Variants in DNAJC18 observed in about 807,000 individuals in gnomAD.
DNAJC18 encodes the protein DnaJ heat shock protein family (Hsp40) member C18.
DNAJC18 carries 40 observed loss-of-function variants against 48.6 expected under a neutral mutation model. The ratio of observed to expected loss-of-function variants is 0.82; its 90% CI spans 0.64 to 1.07. The LOEUF (loss-of-function observed/expected upper bound fraction) is 1.07, where lower values mean the gene tolerates loss of function less well. Among genes scored for constraint, DNAJC18 ranks in the 50% least tolerant of loss-of-function variants. The pLI is 0.00. For missense variants in DNAJC18, 340 were observed against 427.7 expected (o/e 0.79, Z 1.81); for synonymous variants, 135 against 152.2 (o/e 0.89, Z 0.83).
chr5:139,435,566 T>C (rs1750623460), intron 2 of DNAJC18, among the ~76,000 whole-genome samples: 1 of 152,152 alleles, frequency 6.6e-6, no homozygotes, highest in Admixed American at 6.5e-5. Context: ...TTTTATTGAA[T>C]ATTTTAAAAT....
intron 2 of DNAJC18, among the ~76,000 whole-genome samples, chr5:139,430,791 G>A (rs1358843064): frequency 3.3e-5 from 5 of 151,892 alleles, no homozygotes; most frequent in Non-Finnish European, 7.4e-5. Flanking sequence ...GGCTGGTCTC[G>A]AACTCTTGAC....
intron 3 of DNAJC18, among the ~76,000 whole-genome samples, chr5:139,427,728 T>C (rs1037095687): frequency 4.6e-5 from 7 of 152,216 alleles, no homozygotes; most frequent in African/African-American, 1.7e-4. Flanking sequence ...AATGCATCCA[T>C]GCAAGATCAA....
rs1759018619 is a variant in DNAJC18, at chr5:139,413,170, A to C, written c.*978T>G. 6.2e-6 allele frequency: 2 copies of C among 321,926 alleles called. No individual in the cohort carries two copies. Among genetic ancestry groups the C allele is most frequent in the African/African-American group, 4.3e-5 (2 of 46,900 alleles). The allele number at this position is 321,926 out of a possible 1,614,324, so 19.9% of individuals were successfully genotyped here. On this transcript the variant is annotated 3_prime_UTR_variant, in exon 8 of 8. Coordinates refer to ENST00000302060, the MANE Select transcript of DNAJC18 (RefSeq NM_152686.4). The stretch of plus-strand genomic sequence containing the variant: ...TGAATGAAAAATCATCTCAAATCAC[A>C]AACTATAGGATACTGGGTTAAACAA...
Position 139,439,411 on chromosome 5 carries a change from G to A in DNAJC18, c.35C>T (p.Thr12Met). The A allele has an allele frequency of 6.2e-7, 1 of 1,614,010 alleles. No individual in the cohort carries two copies. Residue 12 changes from threonine to methionine, a missense_variant, in exon 1 of 8, where the codon ACG becomes ATG. By Grantham distance (81) the Thr-to-Met change is moderately conservative (BLOSUM62 -1). Transcript: ENST00000302060. The surrounding 1 kb of genome is among the most constrained non-coding windows in gnomAD (Gnocchi z 4.1). ...TTCAGGCGGGGACCTAGTACCTTCC[G>A]TCCAGCGCTCCCCGCTGCCCAGAGT... The part of the protein sequence containing the change: ...AATLGSGERW[T>M]EAYIDAVRRN...
At chr5:139,422,576 G>A (rs1006959603) in intron 6 of DNAJC18, 132 bp downstream of exon 6, 22 of 712,112 alleles carry the variant, frequency 3.1e-5, no homozygotes, top group Non-Finnish European at 4.7e-5. Context: ...CTACCCAGCT[G>A]TTCCTTTAAA....
intron 7 of DNAJC18, chr5:139,418,618 G>T: frequency 2.7e-6 from 1 of 363,914 alleles, no homozygotes; most frequent in Admixed American, 3.2e-5. Context: ...CAGAGTCATT[G>T]CTCACCAACT....
chr5:139,412,578 T>G lies in DNAJC18; in HGVS notation c.*1570A>C, dbSNP rs1759010131. ...ACCCGGCCGACTCTCTACCAGAAAC[T>G]TTTCTTCCAATATGAAGGAAGCATG... is the stretch of plus-strand genomic sequence containing the variant. On this transcript the variant is annotated 3_prime_UTR_variant, in exon 8 of 8. Coordinates refer to ENST00000302060, the MANE Select transcript of DNAJC18 (RefSeq NM_152686.4). 2.5e-6 allele frequency: 1 copy of G among 397,506 alleles called. No individual in the cohort carries two copies. The highest frequency in any genetic ancestry group is 2.1e-5 in the African/African-American group (1 of 48,600). The allele number at this position is 397,506 out of a possible 1,614,324, so 24.6% of individuals were successfully genotyped here. A position where few individuals can be genotyped will look rare whatever the true frequency, so the allele number is the denominator to read the frequency against.
At chr5:139,415,222 G>A (rs775128449) in intron 7 of DNAJC18, among the ~76,000 whole-genome samples, 2 of 152,086 alleles carry the variant, frequency 1.3e-5, no homozygotes, top group East Asian at 3.8e-4. Context: ...GACAGATTTT[G>A]TTTTTCTTGG....
chr5:139,425,218 C>T, intron 4 of DNAJC18, 104 bp from the exon 5 acceptor site: 1 of 877,110 alleles, frequency 1.1e-6, no homozygotes, highest in Non-Finnish European at 1.7e-6. Context: ...GACTGGAGTG[C>T]AATGGGGTGA....
chr5:139,416,864 A>AAT (rs1759076076), intron 7 of DNAJC18, among the ~76,000 whole-genome samples: 1 of 152,216 alleles, frequency 6.6e-6, no homozygotes, highest in South Asian at 2.1e-4. Flanking sequence ...CAGGACAATT[A>AAT]GTGTTTATAG....
rs548941590 is a variant in DNAJC18, at chr5:139,413,950, C to CT, written c.*197dup. On this transcript the variant is annotated 3_prime_UTR_variant, in exon 8 of 8. Transcript: ENST00000302060. ...AACTTAGATGAACTACTCCTGGTCC[C>CT]TGGAGCCACTCCCCAGGAAGGATCC... 1.0e-4 allele frequency: 69 copies of CT among 689,682 alleles called. No individual in the cohort carries two copies. In the African/African-American group the frequency reaches 1.1e-3, roughly 11 times the overall value. 42.7% of individuals were successfully genotyped at this position (689,682 alleles called of 1,614,324 possible).
At chr5:139,428,215 G>A (rs1759273496) in intron 3 of DNAJC18, among the ~76,000 whole-genome samples, 1 of 152,310 alleles carries the variant, frequency 6.6e-6, no homozygotes, top group African/African-American at 2.4e-5. Flanking sequence ...AGAGCAACAT[G>A]GCAAAACCCC....
chr5:139,431,026 C>T (rs545123768), intron 2 of DNAJC18, among the ~76,000 whole-genome samples: 4 of 152,196 alleles, frequency 2.6e-5, no homozygotes, highest in Admixed American at 2.6e-4. Context: ...GGAAATTCAT[C>T]GTAAGTCAGT....
At chr5:139,429,296 C>A (rs952947947) in intron 2 of DNAJC18, among the ~76,000 whole-genome samples, 12 of 152,132 alleles carry the variant, frequency 7.9e-5, no homozygotes, top group South Asian at 2.1e-4. Flanking sequence ...ATTGGTTAGG[C>A]TGGTCTCAAA....
intron 2 of DNAJC18, among the ~76,000 whole-genome samples, chr5:139,437,001 A>G (rs1750679031): frequency 6.6e-6 from 1 of 152,152 alleles, no homozygotes; most frequent in Non-Finnish European, 1.5e-5. Flanking sequence ...GAGAACATAC[A>G]CTGTATGATT....
intron 2 of DNAJC18, among the ~76,000 whole-genome samples, chr5:139,431,286 GCATCTATCAC>G: frequency 6.6e-6 from 1 of 152,252 alleles, no homozygotes; most frequent in Admixed American, 6.5e-5. Context: ...TTAGAGGTGT[GCATCTATCAC>G]CACTATCTCA....
chr5:139,422,346 C>T (rs986611298), intron 6 of DNAJC18, among the ~76,000 whole-genome samples: 1 of 152,224 alleles, frequency 6.6e-6, no homozygotes, highest in Non-Finnish European at 1.5e-5. Context: ...TGCTCCGAGA[C>T]CCACAGGGTC....
rs1759001525 is a variant in DNAJC18 at position 139,411,970 on chromosome 5, T to C, written c.*2178A>G. 1.3e-5 allele frequency: 2 copies of C among 152,158 alleles called. No homozygotes were observed. The highest frequency in any genetic ancestry group is 1.5e-5 in the Non-Finnish European group (1 of 68,038). The allele number at this position is 152,158 out of a possible 1,614,324, so 9.4% of individuals were successfully genotyped here. On this transcript the variant is annotated 3_prime_UTR_variant, in exon 8 of 8. Transcript: ENST00000302060. ...TTTGGCTCATGGACATATTTTACAA[T>C]GTAACCTCCCTCAGTCACTCAGAGG...
intron 2 of DNAJC18, among the ~76,000 whole-genome samples, chr5:139,429,298 G>A (rs770249089): frequency 6.6e-6 from 1 of 151,844 alleles, no homozygotes; most frequent in Non-Finnish European, 1.5e-5. Flanking sequence ...TGGTTAGGCT[G>A]GTCTCAAACT....
Sources: allele counts gnomAD v4.1 joint callset (sites outside exome capture counted in the v4.1 genomes callset), GRCh38; gene constraint gnomAD v4.1.1; non-coding constraint Gnocchi (gnomAD v3.1); transcripts MANE v1.5; gene names NCBI Gene and HGNC (gene_info 2026-07-23, HGNC 2026-07-21).